The following DNAH8 variants were observed in gnomAD, a reference collection of about 807,000 sequenced individuals.
The protein encoded by DNAH8 is dynein axonemal heavy chain 8.
In DNAH8, 382 loss-of-function variants were observed where a neutral mutation model predicts 562.1. That is an observed-to-expected ratio of 0.68 (90% confidence interval 0.63 to 0.74). The LOEUF (loss-of-function observed/expected upper bound fraction) is 0.74, where lower values mean the gene tolerates loss of function less well. DNAH8 is among the 30% of genes least tolerant of loss of function. The probability of loss-of-function intolerance (pLI) is 0.00; values close to 1 mark genes in which losing one functional copy is unlikely to be tolerated. For synonymous variants in DNAH8, 1,881 were observed against 1,919.4 expected (o/e 0.98, Z 0.52); for missense variants, 5,203 against 5,620.4 (o/e 0.93, Z 2.37).
intron 82 of DNAH8, among the ~76,000 whole-genome samples, chr6:38,957,299 T>C (rs1249645885): frequency 6.7e-6 from 1 of 148,640 alleles, no homozygotes; most frequent in East Asian, 1.9e-4. Context: ...TTAATATATA[T>C]ATTAATTATA....
At chr6:38,976,636 G>T (rs1763694472) in intron 85 of DNAH8, among the ~76,000 whole-genome samples, 1 of 152,166 alleles carries the variant, frequency 6.6e-6, no homozygotes, top group South Asian at 2.1e-4. Context: ...ATTGTACCAA[G>T]ATACCTACAT....
intron 4 of DNAH8, among the ~76,000 whole-genome samples, chr6:38,731,860 G>C (rs1173253819): frequency 6.6e-6 from 1 of 152,090 alleles, no homozygotes; most frequent in Non-Finnish European, 1.5e-5. Flanking sequence ...GATTACAGGT[G>C]CACACCACTG....
intron 32 of DNAH8, among the ~76,000 whole-genome samples, chr6:38,837,549 T>C (rs1336993191): frequency 2.6e-5 from 4 of 152,204 alleles, no homozygotes; most frequent in African/African-American, 9.7e-5. Context: ...CAGGACTGAA[T>C]GGATTAGACT....
At chr6:38,723,297 T>G (rs1044503914) in intron 2 of DNAH8, 40 bp from the exon 3 acceptor site, 2 of 1,580,740 alleles carry the variant, frequency 1.3e-6, no homozygotes, top group African/African-American at 2.7e-5. Flanking sequence ...ATATTTTTTC[T>G]TCAGAATTGC....
At chr6:38,867,588 C>CAAA (rs70981596) in intron 47 of DNAH8, among the ~76,000 whole-genome samples, 12 of 130,700 alleles carry the variant, frequency 9.2e-5, no homozygotes, top group South Asian at 2.4e-4. Flanking sequence ...ACTAAAAATA[C>CAAA]AAAAAAAAAA....
At chr6:39,029,538 A>C (rs991462602) in intron 92 of DNAH8, among the ~76,000 whole-genome samples, 9 of 152,172 alleles carry the variant, frequency 5.9e-5, no homozygotes, top group African/African-American at 1.9e-4. Context: ...GGCCTATTGT[A>C]TGAGAGAGAC....
chr6:38,971,240 C>A (rs1763323553), intron 82 of DNAH8, among the ~76,000 whole-genome samples: 1 of 152,176 alleles, frequency 6.6e-6, no homozygotes, highest in African/African-American at 2.4e-5. Flanking sequence ...ACTAAAAAAT[C>A]CTTTTTCCCT....
chr6:38,751,540 G>A (rs998237185), intron 9 of DNAH8, among the ~76,000 whole-genome samples: 2 of 152,062 alleles, frequency 1.3e-5, no homozygotes, highest in African/African-American at 4.8e-5. Flanking sequence ...TCATGGTGAG[G>A]TGACTTTGCC....
At chr6:38,843,324 T>A (rs142133743) in intron 35 of DNAH8, among the ~76,000 whole-genome samples, 69 of 152,144 alleles carry the variant, frequency 4.5e-4, no homozygotes, top group Admixed American at 9.2e-4. Flanking sequence ...AGATTTTTAA[T>A]TCATTCTTTT....
intron 47 of DNAH8, among the ~76,000 whole-genome samples, chr6:38,867,730 ATGACAGAG>A (rs1272504669): frequency 1.4e-5 from 2 of 138,788 alleles, no homozygotes; most frequent in East Asian, 4.5e-4. Flanking sequence ...TTCAGCCTGG[ATGACAGAG>A]TGAGACTCCA....
At chr6:38,781,804 C>T (rs571634589) in intron 16 of DNAH8, among the ~76,000 whole-genome samples, 5 of 152,116 alleles carry the variant, frequency 3.3e-5, no homozygotes, top group South Asian at 4.2e-4. Flanking sequence ...CCACTGAGAG[C>T]GGAATATAAT....
In DNAH8 at chr6:38,873,397, T is replaced by C. The variant is rs1276393135; in HGVS notation, c.7620+21T>C. 8.9e-6 allele frequency: 14 copies of C among 1,565,434 alleles called. No homozygotes were observed. The East Asian group carries it at 2.9e-4, about 33-fold the overall frequency. On this transcript the variant is annotated intron_variant, in intron 52 of 92. Transcript: ENST00000327475. The stretch of plus-strand genomic sequence containing the variant: ...TGCAAGTAAGATTTTTTTTTGTACA[T>C]TTACTACTTCGATTTTGATTTTTTT...
At position 38,734,283 on chromosome 6, in the gene DNAH8, C is replaced by CA. The variant is rs55678363; in HGVS notation, c.611-176dup. Among the ~76,000 whole-genome samples, 78,362 of 120,670 alleles carry CA rather than the reference C, an allele frequency of 0.65. 26,112 individuals are homozygous for CA. The highest frequency in any genetic ancestry group is 0.93 in the East Asian group (3,415 of 3,680). The allele number at this position is 120,670 out of a possible 152,430, so 79.2% of individuals were successfully genotyped here. Reference sequence around the variant, plus strand: ...TGGGCAACAGAGCAAGACTCTGTCTCAAAAAAAAAAAAAAAGATGTAATTA... The same window carrying CA: ...TGGGCAACAGAGCAAGACTCTGTCTCAAAAAAAAAAAAAAAAGATGTAATTA... On this transcript the variant is annotated intron_variant, in intron 4 of 92. Coordinates refer to ENST00000327475, the MANE Select transcript of DNAH8 (RefSeq NM_001206927.2).
intron 56 of DNAH8, 37 bp downstream of exon 56, chr6:38,884,035 T>C (rs1305836510): frequency 1.5e-5 from 21 of 1,369,582 alleles, no homozygotes; most frequent in Non-Finnish European, 2.0e-5. Flanking sequence ...GATCCTGAAT[T>C]TGTATTTTTA....
intron 62 of DNAH8, 79 bp from the exon 63 acceptor site, chr6:38,906,175 G>C: frequency 1.2e-6 from 1 of 859,124 alleles, no homozygotes; most frequent in East Asian, 2.8e-5. Flanking sequence ...CCAAAGTGCT[G>C]GGATTACAGG....
chr6:38,783,810 C>G (rs996456612), intron 17 of DNAH8, among the ~76,000 whole-genome samples: 3 of 152,188 alleles, frequency 2.0e-5, no homozygotes, highest in Admixed American at 2.0e-4. Context: ...TAGTTATAAT[C>G]TCAACCCTAA....
intron 74 of DNAH8, chr6:38,928,300 G>C (rs1280404761): frequency 6.6e-6 from 1 of 152,144 alleles, no homozygotes; most frequent in Non-Finnish European, 1.5e-5. Flanking sequence ...GATGACTGAA[G>C]ATAATTATCT....
At chr6:38,718,685 A>C (rs1486017421) in intron 1 of DNAH8, among the ~76,000 whole-genome samples, 1 of 152,168 alleles carries the variant, frequency 6.6e-6, no homozygotes, top group East Asian at 1.9e-4. Flanking sequence ...ATCAATTTTC[A>C]GTGTTCACAG....
At chr6:38,940,760 A>G (rs1053102704) in intron 79 of DNAH8, among the ~76,000 whole-genome samples, 1 of 152,210 alleles carries the variant, frequency 6.6e-6, no homozygotes, top group East Asian at 1.9e-4. Flanking sequence ...AGGCGGGGAA[A>G]CAGTTTGTGA....
Sources: allele counts gnomAD v4.1 joint callset (sites outside exome capture counted in the v4.1 genomes callset), GRCh38; gene constraint gnomAD v4.1.1; transcripts MANE v1.5; gene names NCBI Gene and HGNC (gene_info 2026-07-23, HGNC 2026-07-21).